The following DGKZ variants were observed in gnomAD, a reference collection of about 807,000 sequenced individuals.
DGKZ encodes the protein DAG kinase zeta.
DGKZ carries 45 observed loss-of-function variants against 142.5 expected under a neutral mutation model. The observed-to-expected ratio is 0.32, with a 90% CI of 0.25 to 0.40. DGKZ has a LOEUF of 0.40. Among genes scored for constraint, DGKZ ranks in the 10% least tolerant of loss-of-function variants. The probability of loss-of-function intolerance (pLI) is 1.00; values close to 1 mark genes in which losing one functional copy is unlikely to be tolerated. For missense variants in DGKZ, 755 were observed against 1,306.5 expected (o/e 0.58, Z 6.51); for synonymous variants, 442 against 527.0 (o/e 0.84, Z 2.21).
rs767912848 is a variant in DGKZ at position 46,367,801 on chromosome 11, C to T, written c.366+54C>T. On this transcript the variant is annotated intron_variant, in intron 3 of 30. Coordinates refer to ENST00000527911, the Ensembl canonical transcript of DGKZ. This position sits in a 1 kb window ranked among gnomAD's most constrained non-coding sequence, Gnocchi z 4.1. ...CTGCTGGTGGAGCCAGTAGCCGCAG[C>T]CCTTCCGGGAACGTGGGATTGAGCC... The T allele has an allele frequency of 6.2e-6, 10 of 1,603,748 alleles. No homozygotes were observed. In the Admixed American group the frequency reaches 1.3e-4, roughly 21 times the overall value.
chr11:46,355,828 C>T (rs528684101), intron 1 of DGKZ, among the ~76,000 whole-genome samples: 1 of 152,196 alleles, frequency 6.6e-6, no homozygotes, highest in Admixed American at 6.5e-5. Flanking sequence ...CTCACCGCAA[C>T]CCCTGCCTCT....
chr11:46,364,537 C>T lies in DGKZ; in HGVS notation c.162-2754C>T, dbSNP rs78546599. 1,407 of 985,422 alleles carry T rather than the reference C, an allele frequency of 1.4e-3. 11 individuals carry two copies. The African/African-American group carries it at 0.024, about 16-fold the overall frequency. 61.0% of individuals were successfully genotyped at this position (985,422 alleles called of 1,614,324 possible). ...GCCCTGACCTCCCTGTCATCTGAGG[C>T]AGCTGGAAACTCCAATAGGCAGAGA... On this transcript the variant is annotated intron_variant, in intron 1 of 30. Transcript: ENST00000527911.
intron 1 of DGKZ, among the ~76,000 whole-genome samples, chr11:46,359,870 G>A (rs914967651): frequency 2.7e-5 from 4 of 150,622 alleles, no homozygotes; most frequent in East Asian, 2.0e-4. Context: ...CGCCCACCTC[G>A]GCCTCCCAAA....
intron 6 of DGKZ, among the ~76,000 whole-genome samples, chr11:46,370,696 T>C (rs1448761188): frequency 6.6e-6 from 1 of 152,182 alleles, no homozygotes; most frequent in African/African-American, 2.4e-5. Context: ...GGTATGCATG[T>C]GGTGCCGTGC....
chr11:46,338,492 T>C (rs1212124873), intron 1 of DGKZ: 1 of 66,818 alleles, frequency 1.5e-5, no homozygotes, highest in Non-Finnish European at 2.5e-5. Context: ...CAAAACTCCA[T>C]CTCAAAAAAA....
At chr11:46,343,705 T>C (rs1940390055), upstream of DGKZ, among the ~76,000 whole-genome samples, 1 of 152,272 alleles carries the variant, frequency 6.6e-6, no homozygotes, top group African/African-American at 2.4e-5. Flanking sequence ...CCCTGTTCTC[T>C]GGCCATGCTG....
At chr11:46,368,157 GT>G in intron 4 of DGKZ, 78 bp downstream of exon 4, 1 of 1,489,558 alleles carries the variant, frequency 6.7e-7, no homozygotes, top group Non-Finnish European at 9.3e-7. Context: ...ACACCCACAT[GT>G]TATACAAACG....
At chr11:46,340,342 G>A (rs1021766555) in intron 1 of DGKZ, among the ~76,000 whole-genome samples, 3 of 152,196 alleles carry the variant, frequency 2.0e-5, no homozygotes, top group Non-Finnish European at 4.4e-5. Flanking sequence ...TGGAAGGCAG[G>A]AGACACACTG....
At position 46,366,188 on chromosome 11, in the gene DGKZ, A is replaced by G. The variant is rs74668515; in HGVS notation, c.162-1103A>G. 6,875 of 1,463,902 alleles carry G rather than the reference A, an allele frequency of 4.7e-3. 283 individuals carry two copies. The African/African-American group carries it at 0.09, about 19-fold the overall frequency. 90.7% of individuals were successfully genotyped at this position (1,463,902 alleles called of 1,614,324 possible). A position where few individuals can be genotyped will look rare whatever the true frequency, so the allele number is the denominator to read the frequency against. ...AGGCTGTGAATGGGCTCCCGGACAC[A>G]GGACAGACCGTGGCCTGATCCAGCT... On this transcript the variant is annotated intron_variant, in intron 1 of 30. Transcript: ENST00000527911.
intron 1 of DGKZ, chr11:46,365,848 T>C (rs914905678): frequency 1.0e-6 from 1 of 985,318 alleles, no homozygotes; most frequent in Admixed American, 6.1e-5. Flanking sequence ...CTTTTTGTTT[T>C]CTTTTCCATC....
intron 1 of DGKZ, chr11:46,366,801 G>T: frequency 6.5e-7 from 1 of 1,546,540 alleles, no homozygotes; most frequent in Non-Finnish European, 8.7e-7. Context: ...GGCCTGCACG[G>T]CTACTATCGG....
rs1489611075 is a variant in DGKZ, at chr11:46,372,378, A to C, written c.928-50A>C. ...ACACCCCTCTCCCTCTGCTGCTCCC[A>C]CTTCGTCCCACCACTGCCTGACTGT... On this transcript the variant is annotated intron_variant, in intron 10 of 30. Coordinates refer to ENST00000527911, the Ensembl canonical transcript of DGKZ. This position sits in a 1 kb window ranked among gnomAD's most constrained non-coding sequence, Gnocchi z 5.9. 6.3e-7 allele frequency: 1 copy of C among 1,595,616 alleles called. No homozygotes were observed. The highest frequency in any genetic ancestry group is 1.3e-5 in the African/African-American group (1 of 74,364).
chr11:46,379,548 C>T (rs1425473068), exon 30 of DGKZ: 1 of 1,610,128 alleles, frequency 6.2e-7, no homozygotes, highest in Non-Finnish European at 8.5e-7. Context: ...CGGGGCCTCG[C>T]TCATGAAGAC....
At chr11:46,355,808 G>A (rs1283198819) in intron 1 of DGKZ, among the ~76,000 whole-genome samples, 1 of 151,992 alleles carries the variant, frequency 6.6e-6, no homozygotes. Flanking sequence ...GCGCAATGGC[G>A]CGGTCTCGGC....
chr11:46,349,427 C>G (rs1941090176), intron 1 of DGKZ, among the ~76,000 whole-genome samples: 1 of 152,124 alleles, frequency 6.6e-6, no homozygotes. Flanking sequence ...TGTGCCCCTT[C>G]TGAAGGGCAC....
At chr11:46,376,222 C>T in intron 22 of DGKZ, 77 bp downstream of exon 22, 10 of 1,604,918 alleles carry the variant, frequency 6.2e-6, no homozygotes, top group Non-Finnish European at 8.5e-6. Flanking sequence ...CTCCCGCAGC[C>T]AGCTCGCCCT....
intron 30 of DGKZ, 93 bp downstream of exon 30, chr11:46,379,661 G>T: frequency 7.4e-7 from 1 of 1,344,534 alleles, no homozygotes; most frequent in Non-Finnish European, 1.0e-6. Context: ...CTGTCCCTGG[G>T]AAGACACAGT....
intron 1 of DGKZ, among the ~76,000 whole-genome samples, chr11:46,334,641 C>G (rs555383005): frequency 5.9e-4 from 90 of 152,284 alleles, no homozygotes; most frequent in African/African-American, 2.1e-3. Context: ...AAATGGGAAG[C>G]AGGCCAGGTT....
intron 27 of DGKZ, 197 bp downstream of exon 27, chr11:46,378,697 A>AG: frequency 1.1e-6 from 1 of 870,886 alleles, no homozygotes; most frequent in Non-Finnish European, 1.9e-6. Context: ...GGCTCCTAGT[A>AG]GGGGCTTCCT....
Sources: allele counts gnomAD v4.1 joint callset (sites outside exome capture counted in the v4.1 genomes callset), GRCh38; gene constraint gnomAD v4.1.1; non-coding constraint Gnocchi (gnomAD v3.1); transcripts MANE v1.5; gene names NCBI Gene and HGNC (gene_info 2026-07-23, HGNC 2026-07-21).